Variants in ADCK1 observed in about 807,000 individuals in gnomAD.
ADCK1 encodes the protein aarF domain containing kinase 1.
In ADCK1, 41 loss-of-function variants were observed where a neutral mutation model predicts 52.3. The ratio of observed to expected loss-of-function variants is 0.78; its 90% CI spans 0.61 to 1.02. The LOEUF (loss-of-function observed/expected upper bound fraction) is 1.02. Among genes scored for constraint, ADCK1 ranks in the 50% least tolerant of loss-of-function variants. The pLI is 0.00. For missense variants in ADCK1, 658 were observed against 679.5 expected, an observed-to-expected ratio of 0.97 and a Z score of 0.35; for synonymous variants, 250 against 274.6, an observed-to-expected ratio of 0.91 and a Z score of 0.89.
chr14:77,864,451 G>T (rs1028687531), intron 4 of ADCK1, among the ~76,000 whole-genome samples: 1 of 152,168 alleles, frequency 6.6e-6, no homozygotes, highest in South Asian at 2.1e-4. Context: ...GCAGGAGAAG[G>T]CCTGCCTGGG....
chr14:77,855,954 A>G (rs1007119499), intron 3 of ADCK1, among the ~76,000 whole-genome samples: 22 of 152,146 alleles, frequency 1.4e-4, no homozygotes, highest in Admixed American at 2.6e-4. Flanking sequence ...TGTAATCCCA[A>G]CACTTTGGGA....
intron 5 of ADCK1, among the ~76,000 whole-genome samples, chr14:77,893,217 G>A (rs1028845944): frequency 1.3e-5 from 2 of 152,142 alleles, no homozygotes; most frequent in African/African-American, 4.8e-5. Context: ...CCAGAGATTG[G>A]AACAATGATT....
At chr14:77,925,709 G>A (rs1009573624) in intron 8 of ADCK1, 55 bp from the exon 9 acceptor site, 11 of 1,572,944 alleles carry the variant, frequency 7.0e-6, no homozygotes, top group Middle Eastern at 1.7e-4. Context: ...CCAGGGACTT[G>A]GGCCTTTGGT....
chr14:77,809,753 G>T (rs1189652970), intron 1 of ADCK1, among the ~76,000 whole-genome samples: 3 of 151,890 alleles, frequency 2.0e-5, no homozygotes, highest in African/African-American at 7.2e-5. Flanking sequence ...TCACAAGAGA[G>T]GCTGGGTGTG....
chr14:77,813,755 CTT>C (rs369350211), intron 1 of ADCK1, among the ~76,000 whole-genome samples: 1 of 151,608 alleles, frequency 6.6e-6, no homozygotes, highest in Non-Finnish European at 1.5e-5. Flanking sequence ...CAAAGCCTCT[CTT>C]TGTTTTCCTG....
intron 1 of ADCK1, among the ~76,000 whole-genome samples, chr14:77,813,569 A>G (rs560673834): frequency 5.1e-4 from 78 of 152,236 alleles, no homozygotes; most frequent in African/African-American, 1.9e-3. Flanking sequence ...TTGGCGTCCC[A>G]AAGTGCTGGG....
At chr14:77,926,474 T>G (rs1240211925) in intron 9 of ADCK1, among the ~76,000 whole-genome samples, 1 of 147,594 alleles carries the variant, frequency 6.8e-6, no homozygotes, top group East Asian at 1.9e-4. Context: ...GTCTGCAGAC[T>G]TTTTTGTTTG....
At chr14:77,803,908 C>G (rs1270126678) in intron 1 of ADCK1, among the ~76,000 whole-genome samples, 1 of 152,196 alleles carries the variant, frequency 6.6e-6, no homozygotes, top group African/African-American at 2.4e-5. Context: ...AGTGGGAAGG[C>G]CCTGCTCAAG....
At chr14:77,829,868 T>C (rs2140059286) in intron 3 of ADCK1, among the ~76,000 whole-genome samples, 1 of 151,326 alleles carries the variant, frequency 6.6e-6, no homozygotes, top group South Asian at 2.1e-4. Flanking sequence ...GGTGGGTTGA[T>C]GGAAACATGT....
chr14:77,887,169 C>T lies in ADCK1; in HGVS notation c.502C>T (p.His168Tyr). The T allele has an allele frequency of 6.2e-7, 1 of 1,610,818 alleles. No individual in the cohort carries two copies. Among genetic ancestry groups the T allele is most frequent in the Non-Finnish European group, 8.5e-7 (1 of 1,178,458 alleles). The part of the protein sequence containing the change: ...SLAQVHKAVL[H>Y]DGRTVAVKVQ... ...GGCCCAGGTCCACAAGGCAGTGCTG[C>T]ATGATGGGCGGACGGTGGCCGTGAA... is the stretch of plus-strand genomic sequence containing the variant. The change falls in exon 5 of 11, where the codon CAT (histidine) becomes TAT (tyrosine). Residue 168 changes from histidine to tyrosine, a missense_variant. Physicochemically the swap from His to Tyr is moderately conservative, Grantham distance 83. Transcript: ENST00000238561.
intron 1 of ADCK1, among the ~76,000 whole-genome samples, chr14:77,811,807 T>TCAA (rs1029540767): frequency 6.6e-6 from 1 of 151,808 alleles, no homozygotes; most frequent in Non-Finnish European, 1.5e-5. Flanking sequence ...AACCCCTGTC[T>TCAA]CAACAACAAC....
chr14:77,827,354 A>G (rs1227446143), intron 3 of ADCK1, among the ~76,000 whole-genome samples: 32 of 136,588 alleles, frequency 2.3e-4, no homozygotes, highest in African/African-American at 8.9e-4. Flanking sequence ...CTGTCTCAAA[A>G]AAAAAAAAAA....
chr14:77,822,946 G>A (rs1022130013), intron 3 of ADCK1, among the ~76,000 whole-genome samples: 25 of 152,180 alleles, frequency 1.6e-4, no homozygotes, highest in African/African-American at 6.0e-4. Context: ...TGACTCAGGA[G>A]GGATGTAGGC....
chr14:77,815,886 G>T (rs2081439556), intron 1 of ADCK1, among the ~76,000 whole-genome samples: 1 of 147,652 alleles, frequency 6.8e-6, no homozygotes, highest in Non-Finnish European at 1.5e-5. Context: ...TGCGATCTCA[G>T]CTCACTGCGA....
At chr14:77,835,057 A>G (rs1566649716) in intron 3 of ADCK1, among the ~76,000 whole-genome samples, 1 of 152,164 alleles carries the variant, frequency 6.6e-6, no homozygotes, top group East Asian at 1.9e-4. Context: ...TCTGCTGGAA[A>G]TGGATGTGGC....
intron 4 of ADCK1, among the ~76,000 whole-genome samples, chr14:77,875,111 A>C (rs1188068793): frequency 1.3e-5 from 2 of 152,152 alleles, no homozygotes; most frequent in East Asian, 3.9e-4. Flanking sequence ...CTGGAAGACC[A>C]GTTATGGGGC....
intron 3 of ADCK1, among the ~76,000 whole-genome samples, chr14:77,833,707 G>A (rs1251127775): frequency 3.9e-5 from 6 of 152,146 alleles, no homozygotes; most frequent in African/African-American, 1.4e-4. Flanking sequence ...ACTTGGTAGG[G>A]CCCATGGCCA....
At chr14:77,832,874 A>G (rs1294796460) in intron 3 of ADCK1, among the ~76,000 whole-genome samples, 1 of 152,224 alleles carries the variant, frequency 6.6e-6, no homozygotes, top group African/African-American at 2.4e-5. Context: ...TTCTTCAGGA[A>G]TATTCCCTGA....
At chr14:77,921,707 G>T (rs2140288007) in intron 7 of ADCK1, among the ~76,000 whole-genome samples, 1 of 152,260 alleles carries the variant, frequency 6.6e-6, no homozygotes, top group South Asian at 2.1e-4. Flanking sequence ...TTGAGATGGA[G>T]CGGGCCACTC....
Sources: gnomAD v4.1 joint callset for allele counts (sites outside exome capture counted in the v4.1 genomes callset) on GRCh38, gnomAD v4.1.1 for gene constraint, MANE v1.5 for transcripts, NCBI Gene and HGNC (gene_info 2026-07-23, HGNC 2026-07-21) for gene names.